The following RAI1 variants were observed in gnomAD, a reference collection of about 807,000 sequenced individuals.
RAI1 encodes retinoic acid-induced protein 1.
Under a neutral mutation model 123.8 loss-of-function variants are expected in RAI1, and 9 were observed. The ratio of observed to expected loss-of-function variants is 0.07; its 90% CI spans 0.04 to 0.13. The LOEUF (loss-of-function observed/expected upper bound fraction) is 0.13, where lower values mean the gene tolerates loss of function less well. Among genes scored for constraint, RAI1 ranks in the 10% least tolerant of loss-of-function variants. The probability of loss-of-function intolerance (pLI) is 1.00; values close to 1 mark genes in which losing one functional copy is unlikely to be tolerated. For synonymous variants in RAI1, 1,231 were observed against 1,127.3 expected, an observed-to-expected ratio of 1.09 and a Z score of -1.84; for missense variants, 2,256 against 2,545.8, an observed-to-expected ratio of 0.89 and a Z score of 2.45.
intron 1 of RAI1, among the ~76,000 whole-genome samples, chr17:17,704,031 G>A (rs967003314): frequency 6.6e-6 from 1 of 152,196 alleles, no homozygotes; most frequent in African/African-American, 2.4e-5. Context: ...GGCTCCTCGG[G>A]GGGTGGCCCA....
At chr17:17,694,454 A>G (rs1426179591) in intron 1 of RAI1, among the ~76,000 whole-genome samples, 2 of 151,984 alleles carry the variant, frequency 1.3e-5, no homozygotes, top group Admixed American at 6.5e-5. Flanking sequence ...CACCTCTCAG[A>G]GGGCTGGGAG....
intron 2 of RAI1, among the ~76,000 whole-genome samples, chr17:17,781,024 A>C (rs1179032834): frequency 2.0e-5 from 3 of 151,622 alleles, no homozygotes; most frequent in Non-Finnish European, 4.4e-5. Context: ...CAGGCTTCTT[A>C]CCTCTCTGCT....
At chr17:17,798,965 A>G (rs2143003776) in intron 3 of RAI1, among the ~76,000 whole-genome samples, 1 of 151,640 alleles carries the variant, frequency 6.6e-6, no homozygotes, top group Admixed American at 6.5e-5. Context: ...GGATGAAGCT[A>G]AGGGCTCAGG....
At chr17:17,768,755 G>A (rs2031033124) in intron 2 of RAI1, among the ~76,000 whole-genome samples, 1 of 152,268 alleles carries the variant, frequency 6.6e-6, no homozygotes, top group African/African-American at 2.4e-5. Flanking sequence ...AAGAGCTTGG[G>A]CCTTGGAGTG....
At chr17:17,738,378 G>A (rs1186048679) in intron 2 of RAI1, among the ~76,000 whole-genome samples, 2 of 150,166 alleles carry the variant, frequency 1.3e-5, no homozygotes, top group African/African-American at 4.9e-5. Flanking sequence ...GGCTGGGTGA[G>A]GCGGCTGGCC....
intron 2 of RAI1, among the ~76,000 whole-genome samples, chr17:17,736,765 G>C (rs575432440): frequency 1.3e-5 from 2 of 152,246 alleles, no homozygotes; most frequent in African/African-American, 4.8e-5. Flanking sequence ...GTAAAGATGA[G>C]GCTTTTCTGG....
In RAI1 at chr17:17,686,749, A is replaced by G. The variant is rs1914654978; in HGVS notation, c.-149+4956A>G. 2.0e-5 allele frequency among the ~76,000 whole-genome samples: 3 copies of G among 151,324 alleles called. No individual in the cohort carries two copies. The South Asian group carries it at 6.3e-4, about 32-fold the overall frequency. On this transcript the variant is annotated intron_variant, in intron 1 of 5. Coordinates refer to ENST00000353383, the MANE Select transcript of RAI1 (RefSeq NM_030665.4). The stretch of plus-strand genomic sequence containing the variant: ...GGGGGGACGGCAAGGAGTGAGGGAG[A>G]AGTTCCTGCTGCTGCTGCTGGAGAG...
chr17:17,692,840 G>A (rs1914886804), intron 1 of RAI1, among the ~76,000 whole-genome samples: 1 of 152,224 alleles, frequency 6.6e-6, no homozygotes, highest in Non-Finnish European at 1.5e-5. Flanking sequence ...GGAAGGGGAA[G>A]GAGGAGGTCC....
chr17:17,769,421 C>T (rs1181939776), intron 2 of RAI1, among the ~76,000 whole-genome samples: 1 of 152,146 alleles, frequency 6.6e-6, no homozygotes, highest in Non-Finnish European at 1.5e-5. Flanking sequence ...AGCCAGCTCC[C>T]CCGAGGCACG....
chr17:17,757,075 A>G (rs2030467630), intron 2 of RAI1, among the ~76,000 whole-genome samples: 1 of 152,092 alleles, frequency 6.6e-6, no homozygotes, highest in Admixed American at 6.5e-5. Context: ...GAGCAGATGG[A>G]GGCCCAGGGA....
intron 2 of RAI1, among the ~76,000 whole-genome samples, chr17:17,742,838 G>T (rs1916689675): frequency 6.6e-6 from 1 of 152,176 alleles, no homozygotes. Context: ...CCTGTCCCCA[G>T]TGAGATCTGG....
chr17:17,721,716 C>G (rs1915888031), intron 1 of RAI1, among the ~76,000 whole-genome samples: 1 of 152,242 alleles, frequency 6.6e-6, no homozygotes, highest in African/African-American at 2.4e-5. Flanking sequence ...CAATGCGCAT[C>G]TCCTGGTTCA....
chr17:17,748,069 C>A (rs1057348815), intron 2 of RAI1, among the ~76,000 whole-genome samples: 1 of 152,224 alleles, frequency 6.6e-6, no homozygotes. Context: ...TTCTACCTGG[C>A]TAGGGTGGCC....
At chr17:17,791,150 T>C (rs1598084930) in intron 2 of RAI1, among the ~76,000 whole-genome samples, 1 of 152,184 alleles carries the variant, frequency 6.6e-6, no homozygotes, top group Non-Finnish European at 1.5e-5. Flanking sequence ...GCCCCCACAC[T>C]GGGCTGACTC....
intron 1 of RAI1, among the ~76,000 whole-genome samples, chr17:17,693,467 A>G (rs1009053148): frequency 6.6e-6 from 1 of 152,206 alleles, no homozygotes; most frequent in African/African-American, 2.4e-5. Context: ...GCTCCACCCA[A>G]CTGGCACCCT....
At chr17:17,683,077 C>G (rs1286264461) in intron 1 of RAI1, among the ~76,000 whole-genome samples, 1 of 152,228 alleles carries the variant, frequency 6.6e-6, no homozygotes, top group Non-Finnish European at 1.5e-5. Context: ...TCCCCCGCCC[C>G]CCTTTTATGT....
chr17:17,700,122 C>T, intron 1 of RAI1, among the ~76,000 whole-genome samples: 1 of 152,260 alleles, frequency 6.6e-6, no homozygotes, highest in Non-Finnish European at 1.5e-5. Context: ...CAGGCTGAGA[C>T]CGGGGCTGTG....
At chr17:17,698,866 C>T (rs1260265607) in intron 1 of RAI1, among the ~76,000 whole-genome samples, 1 of 152,218 alleles carries the variant, frequency 6.6e-6, no homozygotes, top group Non-Finnish European at 1.5e-5. Flanking sequence ...TGGATGGACA[C>T]ACAAAATCCC....
rs530301043 is a variant in RAI1 at position 17,797,360 on chromosome 17, C to G, written c.4412C>G (p.Pro1471Arg). ...CTGGAGAAGCGGCCCTATCTTGGCCCGGCTCTGCTCCTGACTCCCCGAGAC... is the reference window on the plus strand; with the variant it reads ...CTGGAGAAGCGGCCCTATCTTGGCCGGGCTCTGCTCCTGACTCCCCGAGAC... ...GPLEKRPYLG[P>R]ALLLTPRDRA... Residue 1471 changes from proline (P) to arginine (R), a missense_variant, in exon 3 of 6, where the codon CCG (proline) becomes CGG (arginine). By Grantham distance (103) the Pro-to-Arg change is moderately radical. Coordinates refer to ENST00000353383, the MANE Select transcript of RAI1 (RefSeq NM_030665.4). 1.9e-6 allele frequency: 3 copies of G among 1,612,390 alleles called. No individual in the cohort carries two copies. In the East Asian group the frequency reaches 6.7e-5, roughly 36 times the overall value.
Sources: allele counts gnomAD v4.1 joint callset (sites outside exome capture counted in the v4.1 genomes callset), GRCh38; gene constraint gnomAD v4.1.1; transcripts MANE v1.5; gene names NCBI Gene and HGNC (gene_info 2026-07-23, HGNC 2026-07-21).